Variants in STS observed in about 807,000 individuals in gnomAD.
STS encodes steroid sulfatase.
STS carries 7 observed loss-of-function variants against 26.8 expected under a neutral mutation model. That is an observed-to-expected ratio of 0.26 (90% CI 0.15 to 0.49). The LOEUF (loss-of-function observed/expected upper bound fraction) is 0.49. Ranked by LOEUF, STS falls within the 20% of genes least tolerant of loss-of-function variation. The pLI, the probability that STS is intolerant of heterozygous loss-of-function variation, is 0.98. For synonymous variants in STS, 199 were observed against 189.4 expected (o/e 1.05, Z -0.42); for missense variants, 434 against 465.6 (o/e 0.93, Z 0.63).
At chrX:7,285,240 A>T (rs766188112) in intron 7 of STS, among the ~76,000 whole-genome samples, 1 of 111,801 alleles carries the variant, frequency 8.9e-6, no homozygotes, top group Non-Finnish European at 1.9e-5. Context: ...TCTGTCTTAC[A>T]TACTATGCTA....
At chrX:7,168,655 C>T (rs1448021516) in intron 1 of STS, among the ~76,000 whole-genome samples, 2 of 111,201 alleles carry the variant, frequency 1.8e-5, no homozygotes, top group Admixed American at 1.9e-4. Flanking sequence ...GAGCTGTGCC[C>T]CTCCTTTCCC....
intron 1 of STS, among the ~76,000 whole-genome samples, chrX:7,169,143 C>T (rs1055288688): frequency 3.5e-4 from 39 of 110,775 alleles, no homozygotes; most frequent in African/African-American, 1.3e-3. Flanking sequence ...ACATTCCTCC[C>T]ATACCCCCAC....
chrX:7,246,438 A>G (rs1431896789), intron 2 of STS, among the ~76,000 whole-genome samples: 1 of 102,924 alleles, frequency 9.7e-6, no homozygotes, highest in Admixed American at 1.1e-4. Flanking sequence ...AGTAGCTGGG[A>G]TTACAGGTAC....
At chrX:7,329,413 C>G (rs746559862) in intron 9 of STS, among the ~76,000 whole-genome samples, 1 of 112,064 alleles carries the variant, frequency 8.9e-6, no homozygotes, top group African/African-American at 3.2e-5. Flanking sequence ...TATTATTGCT[C>G]TTTTATGGAA....
At chrX:7,274,763 C>T (rs1227803054) in intron 6 of STS, among the ~76,000 whole-genome samples, 5 of 112,171 alleles carry the variant, frequency 4.5e-5, no homozygotes, top group African/African-American at 1.6e-4. Context: ...TCATTCCCCT[C>T]TCTCGAGAGG....
In STS at chrX:7,185,432, G is replaced by A. The variant is rs767768712; in HGVS notation, c.-133-5448G>A. ...AATAAATCTTTATTTAGAAATACAG[G>A]TGGTAAGCTGGGTTTGGCCCATGGC... On this transcript the variant is annotated intron_variant, in intron 1 of 10. Transcript: ENST00000674429. 6.2e-5 allele frequency among the ~76,000 whole-genome samples: 7 copies of A among 113,166 alleles called. No homozygotes were observed. In the East Asian group the frequency reaches 1.9e-3, roughly 31 times the overall value.
At chrX:7,207,402 T>C (rs1920958310) in intron 2 of STS, among the ~76,000 whole-genome samples, 1 of 112,282 alleles carries the variant, frequency 8.9e-6, no homozygotes, top group Admixed American at 9.5e-5. Context: ...GGGATTTAGA[T>C]TGTACCTGGA....
chrX:7,176,185 G>A (rs1196066655), intron 1 of STS, among the ~76,000 whole-genome samples: 1 of 111,634 alleles, frequency 9.0e-6, no homozygotes, highest in African/African-American at 3.3e-5. Context: ...TAGCTCTAAA[G>A]TCACTCTTCG....
chrX:7,304,548 A>G (rs1223269812), intron 7 of STS, among the ~76,000 whole-genome samples: 4 of 111,800 alleles, frequency 3.6e-5, no homozygotes, highest in African/African-American at 1.3e-4. Flanking sequence ...TTGGGTATCT[A>G]CTGTAAGTAT....
intron 2 of STS, among the ~76,000 whole-genome samples, chrX:7,206,025 C>G (rs1308192691): frequency 9.0e-6 from 1 of 111,388 alleles, no homozygotes; most frequent in Non-Finnish European, 1.9e-5. Context: ...ACCCACTGCA[C>G]CCCCTATGCA....
rs982054584 is a variant in STS at position 7,331,116 on chromosome X, G to A, written c.1242-2870G>A. Among the ~76,000 whole-genome samples the A allele has an allele frequency of 1.8e-4, 20 of 111,238 alleles. 1 individual carries two copies. The highest frequency in any genetic ancestry group is 3.0e-4 in the Non-Finnish European group (16 of 53,023). On this transcript the variant is annotated intron_variant, in intron 9 of 10. Coordinates refer to ENST00000674429, the MANE Select transcript of STS (RefSeq NM_001320752.2). The stretch of plus-strand genomic sequence containing the variant: ...GGCAATTTGGCCAGGCAAAGGGCGC[G>A]TGGGAAGGACATCCCACGTGGAGGG...
At chrX:7,184,427 A>T in intron 1 of STS, among the ~76,000 whole-genome samples, 1 of 112,474 alleles carries the variant, frequency 8.9e-6, no homozygotes, top group Non-Finnish European at 1.9e-5. Flanking sequence ...TTAAAAAATC[A>T]TTTTGCATTG....
chrX:7,240,533 G>GTATATATA (rs58524417), intron 2 of STS, among the ~76,000 whole-genome samples: 1 of 60,550 alleles, frequency 1.7e-5, no homozygotes, highest in African/African-American at 6.5e-5. Context: ...GTGTGTGTGT[G>GTATATATA]TATATATATA....
chrX:7,299,178 G>GTATATAAA (rs1345794410), intron 7 of STS, among the ~76,000 whole-genome samples: 1 of 89,431 alleles, frequency 1.1e-5, no homozygotes, highest in Non-Finnish European at 2.1e-5. Flanking sequence ...TATATATAAA[G>GTATATAAA]TATATAAATA....
chrX:7,229,289 C>T (rs1411857109), intron 2 of STS, among the ~76,000 whole-genome samples: 3 of 111,531 alleles, frequency 2.7e-5, no homozygotes, highest in Non-Finnish European at 5.6e-5. Context: ...AATTAGGTTC[C>T]GCTCACCCCC....
chrX:7,213,603 T>C (rs1042510928), intron 2 of STS, among the ~76,000 whole-genome samples: 9 of 111,702 alleles, frequency 8.1e-5, no homozygotes, highest in Non-Finnish European at 1.3e-4. Flanking sequence ...TTCTTTTCAA[T>C]CAATAATCCT....
intron 7 of STS, among the ~76,000 whole-genome samples, chrX:7,288,639 CGTGT>C (rs58375124): frequency 0.41 from 36,346 of 88,978 alleles, 6,599 homozygotes; most frequent in Middle Eastern, 0.62. Flanking sequence ...AAATTCTGTA[CGTGT>C]GTGTGTGTGT....
At chrX:7,267,924 C>T (rs1883688198) in intron 6 of STS, among the ~76,000 whole-genome samples, 1 of 111,616 alleles carries the variant, frequency 9.0e-6, no homozygotes, top group African/African-American at 3.3e-5. Context: ...ATTTTTTCAG[C>T]AAAGGGTTTA....
chrX:7,182,387 G>A (rs1306829118), intron 1 of STS, among the ~76,000 whole-genome samples: 1 of 109,016 alleles, frequency 9.2e-6, no homozygotes, highest in Non-Finnish European at 1.9e-5. Flanking sequence ...TCCTTATCAT[G>A]GGGTGGCTGT....
Sources: gnomAD v4.1 joint callset for allele counts (sites outside exome capture counted in the v4.1 genomes callset) on GRCh38, gnomAD v4.1.1 for gene constraint, MANE v1.5 for transcripts, NCBI Gene and HGNC (gene_info 2026-07-23, HGNC 2026-07-21) for gene names.